CCDC33: variants seen among roughly 807,000 people sequenced by gnomAD.
The protein encoded by CCDC33 is coiled-coil domain-containing protein 33.
CCDC33 carries 94 observed loss-of-function variants against 91.9 expected under a neutral mutation model. The observed-to-expected ratio is 1.02, with a 90% confidence interval of 0.87 to 1.21. CCDC33 has a LOEUF of 1.21. Among genes scored for constraint, CCDC33 ranks in the 50% most tolerant of loss-of-function variants. The probability of loss-of-function intolerance (pLI) is 0.00; values close to 1 mark genes in which losing one functional copy is unlikely to be tolerated. For missense variants in CCDC33, 940 were observed against 935.5 expected (o/e 1.00, Z -0.06); for synonymous variants, 396 against 374.5 (o/e 1.06, Z -0.66).
Position 74,218,673 on chromosome 15 carries a change from T to C in CCDC33, c.487T>C (p.Tyr163His), listed in dbSNP as rs2074510498. The change falls in exon 2 of 3, where the codon TAC becomes CAC. Residue 163 changes from tyrosine (Y) to histidine (H), a missense_variant. Coordinates refer to the CCDC33 transcript ENST00000635913. The surrounding 1 kb of genome is among the most constrained non-coding windows in gnomAD (Gnocchi z 4.8). ...TCAGGATCACGAGGACCTGTACCGC[T>C]ACTGTGGCAACCTGGCTCTGCTCCG... The C allele has an allele frequency of 7.8e-7, 1 of 1,289,730 alleles. No individual in the cohort carries two copies. The highest frequency in any genetic ancestry group is 1.5e-5 in the African/African-American group (1 of 65,872). The allele number at this position is 1,289,730 out of a possible 1,614,324, so 79.9% of individuals were successfully genotyped here.
At chr15:74,222,310 T>C (rs993395934) in intron 2 of CCDC33, among the ~76,000 whole-genome samples, 1 of 152,116 alleles carries the variant, frequency 6.6e-6, no homozygotes, top group African/African-American at 2.4e-5. Flanking sequence ...GGTTCCTTGT[T>C]TGTAGCTCTG....
chr15:74,333,914 C>A lies in CCDC33; in HGVS notation c.1972C>A (p.Leu658Ile). The A allele has an allele frequency of 6.2e-7, 1 of 1,613,806 alleles. No homozygotes were observed. The highest frequency in any genetic ancestry group is 8.5e-7 in the Non-Finnish European group (1 of 1,179,774). The change falls in exon 17 of 19, where the codon CTC becomes ATC. Residue 658 changes from leucine (L) to isoleucine (I), a missense_variant. Leu to Ile is a conservative substitution (Grantham distance 5). Coordinates refer to ENST00000398814, the MANE Select transcript of CCDC33 (RefSeq NM_025055.5). ...LLSGTSDKFN[L>I]LAKLEHAQSR... is the part of the protein sequence containing the mutation. ...CTCTGGTACTTCAGACAAGTTCAAC[C>A]TCCTGGCCAAGCTGGAACACGCTCA... is the stretch of plus-strand genomic sequence containing the variant.
chr15:74,330,992 A>AGAGAAG lies in CCDC33; in HGVS notation c.1561_1566dup (p.Lys521_Glu522dup), dbSNP rs758297025. On this transcript the variant is annotated inframe_insertion, in exon 14 of 19. Transcript: ENST00000398814. ...CCCCCATCTCACAGAAGAATGATCG[A>AGAGAAG]GAGAAGGAGCTGCTCCTTCTGTATC... is the stretch of plus-strand genomic sequence containing the variant. 6.3e-7 allele frequency: 1 copy of AGAGAAG among 1,590,764 alleles called. No individual in the cohort carries two copies. Among genetic ancestry groups the AGAGAAG allele is most frequent in the Non-Finnish European group, 8.6e-7 (1 of 1,168,318 alleles).
At chr15:74,284,050 G>A (rs1393351511) in intron 10 of CCDC33, among the ~76,000 whole-genome samples, 1 of 152,182 alleles carries the variant, frequency 6.6e-6, no homozygotes, top group Admixed American at 6.5e-5. Context: ...CTGAGAATTG[G>A]CCAATAACTG....
At chr15:74,321,933 A>G (rs952748723) in intron 11 of CCDC33, among the ~76,000 whole-genome samples, 2 of 151,840 alleles carry the variant, frequency 1.3e-5, no homozygotes, top group African/African-American at 2.4e-5. Flanking sequence ...GCAGATGAGG[A>G]GTGCCAGGCT....
At chr15:74,321,775 G>C (rs1200444312) in intron 11 of CCDC33, among the ~76,000 whole-genome samples, 1 of 152,222 alleles carries the variant, frequency 6.6e-6, no homozygotes, top group East Asian at 1.9e-4. Flanking sequence ...GACATTCAAA[G>C]GACACCTACA....
At chr15:74,257,270 G>A (rs2075894855) in intron 2 of CCDC33, among the ~76,000 whole-genome samples, 1 of 152,226 alleles carries the variant, frequency 6.6e-6, no homozygotes, top group Non-Finnish European at 1.5e-5. Flanking sequence ...AGCCTCCTGG[G>A]GCTCAAAACC....
At chr15:74,313,415 C>CTTTTTTTTTTTTTTTT (rs35519774) in intron 11 of CCDC33, among the ~76,000 whole-genome samples, 1 of 94,182 alleles carries the variant, frequency 1.1e-5, no homozygotes. Context: ...TTCTTTCTTT[C>CTTTTTTTTTTTTTTTT]TTTTTTTTTT....
chr15:74,243,757 G>A (rs755274774), intron 1 of CCDC33: 1 of 561,728 alleles, frequency 1.8e-6, no homozygotes, highest in South Asian at 1.5e-5. Flanking sequence ...AGGAGTTTGA[G>A]ACCATGGGGA....
intron 2 of CCDC33, among the ~76,000 whole-genome samples, chr15:74,261,290 C>T (rs555063031): frequency 2.8e-4 from 43 of 152,320 alleles, no homozygotes; most frequent in Non-Finnish European, 5.3e-4. Flanking sequence ...CAGGTCACAG[C>T]GTCACTTAAG....
chr15:74,240,573 G>T (rs1434528410), intron 1 of CCDC33, among the ~76,000 whole-genome samples: 1 of 152,172 alleles, frequency 6.6e-6, no homozygotes, highest in Non-Finnish European at 1.5e-5. Context: ...GTACAGAGAG[G>T]TAGGGCCAGA....
In CCDC33 at chr15:74,230,141, G is replaced by A. The variant is rs544081073; in HGVS notation, c.675+11280G>A. Among the ~76,000 whole-genome samples, 8 of 152,334 alleles carry A rather than the reference G, an allele frequency of 5.3e-5. No individual in the cohort carries two copies. In the South Asian group the frequency reaches 1.7e-3, roughly 32 times the overall value. Reference sequence around the variant, plus strand: ...CATGAGTGTGGGTGTGAGGGCCTGGGGTGAGCAGACCAGGAGGCTGGCAGG... The same window carrying A: ...CATGAGTGTGGGTGTGAGGGCCTGGAGTGAGCAGACCAGGAGGCTGGCAGG... On this transcript the variant is annotated intron_variant, in intron 2 of 2. Coordinates refer to the CCDC33 transcript ENST00000635913.
exon 1 of CCDC33, chr15:74,217,215 C>T: frequency 8.4e-7 from 1 of 1,193,274 alleles, no homozygotes; most frequent in Non-Finnish European, 1.1e-6. Context: ...TGGGTCCAGG[C>T]TGGGCTGTGG....
At chr15:74,208,024 G>GC (rs2074302403) in intron 1 of CCDC33, 4 of 1,372,210 alleles carry the variant, frequency 2.9e-6, no homozygotes, top group Non-Finnish European at 3.8e-6. Context: ...CAATTCTCAT[G>GC]CCCCCCTCAC....
At chr15:74,278,910 C>T (rs775328984) in intron 7 of CCDC33, among the ~76,000 whole-genome samples, 43 of 152,296 alleles carry the variant, frequency 2.8e-4, no homozygotes, top group Admixed American at 1.2e-3. Context: ...GCCCACACTG[C>T]GGGCACACGG....
Position 74,218,994 on chromosome 15 carries a change from T to C in CCDC33, c.675+133T>C. 2.1e-6 allele frequency: 2 copies of C among 942,264 alleles called. No individual in the cohort carries two copies. Among genetic ancestry groups the C allele is most frequent in the East Asian group, 6.7e-5 (1 of 14,830 alleles). The allele number at this position is 942,264 out of a possible 1,614,324, so 58.4% of individuals were successfully genotyped here. A position where few individuals can be genotyped will look rare whatever the true frequency, so the allele number is the denominator to read the frequency against. On this transcript the variant is annotated intron_variant, in intron 2 of 2. Coordinates refer to the CCDC33 transcript ENST00000635913. This position sits in a 1 kb window ranked among gnomAD's most constrained non-coding sequence, Gnocchi z 4.8. Reference sequence around the variant, plus strand: ...AGCAGAGCTCCCAAGGCTGCCATGTTCAGTCTGAGGAACGTGCAGTCTGAG... The same window carrying C: ...AGCAGAGCTCCCAAGGCTGCCATGTCCAGTCTGAGGAACGTGCAGTCTGAG...
At chr15:74,260,516 CAT>C (rs2075993370) in intron 2 of CCDC33, among the ~76,000 whole-genome samples, 1 of 152,212 alleles carries the variant, frequency 6.6e-6, no homozygotes, top group South Asian at 2.1e-4. Context: ...GAGGGAATAA[CAT>C]GAACTGGGGC....
upstream of CCDC33, among the ~76,000 whole-genome samples, chr15:74,234,661 G>A (rs562143503): frequency 1.3e-5 from 2 of 152,316 alleles, no homozygotes; most frequent in Admixed American, 6.5e-5. Flanking sequence ...GTGCCCAATC[G>A]CATTATCTTC....
intron 10 of CCDC33, among the ~76,000 whole-genome samples, chr15:74,285,596 C>G (rs926989713): frequency 6.6e-6 from 1 of 151,940 alleles, no homozygotes; most frequent in African/African-American, 2.4e-5. Context: ...CAGCAAGCCT[C>G]CTACATAGAT....
Sources: allele counts gnomAD v4.1 joint callset (sites outside exome capture counted in the v4.1 genomes callset), GRCh38; gene constraint gnomAD v4.1.1; non-coding constraint Gnocchi (gnomAD v3.1); transcripts MANE v1.5; gene names NCBI Gene and HGNC (gene_info 2026-07-23, HGNC 2026-07-21).